MKLN1: variants seen among roughly 807,000 people sequenced by gnomAD.
The protein encoded by MKLN1 is muskelin 1, also known as muskelin.
A neutral mutation model predicts 99.0 loss-of-function variants in MKLN1; 18 were observed. The ratio of observed to expected loss-of-function variants is 0.18; its 90% confidence interval spans 0.13 to 0.27. MKLN1 has a LOEUF of 0.27. Ranked by LOEUF, MKLN1 falls within the 10% of genes least tolerant of loss-of-function variation. The probability of loss-of-function intolerance (pLI) is 1.00; values close to 1 mark genes in which losing one functional copy is unlikely to be tolerated. For synonymous variants in MKLN1, 288 were observed against 293.2 expected (o/e 0.98, Z 0.18); for missense variants, 621 against 875.9 (o/e 0.71, Z 3.67).
intron 3 of MKLN1, among the ~76,000 whole-genome samples, chr7:131,274,298 T>A (rs556225953): frequency 7.2e-5 from 11 of 152,274 alleles, no homozygotes; most frequent in Non-Finnish European, 1.6e-4. Flanking sequence ...CATCTTTGCC[T>A]TCCTTGTGTG....
chr7:131,463,890 A>T (rs1036395773), intron 13 of MKLN1, among the ~76,000 whole-genome samples: 1 of 152,216 alleles, frequency 6.6e-6, no homozygotes, highest in Non-Finnish European at 1.5e-5. Flanking sequence ...GAGCTTCTCC[A>T]TTCATAATGG....
At chr7:131,307,180 T>C (rs1288126545) in intron 3 of MKLN1, among the ~76,000 whole-genome samples, 2 of 152,116 alleles carry the variant, frequency 1.3e-5, no homozygotes, top group African/African-American at 4.8e-5. Flanking sequence ...GTATTGGGCC[T>C]GTAGGTGTGC....
intron 3 of MKLN1, among the ~76,000 whole-genome samples, chr7:131,220,444 A>C (rs1441022135): frequency 9.6e-6 from 1 of 103,924 alleles, no homozygotes; most frequent in East Asian, 2.0e-3. Flanking sequence ...TTCATTGCCC[A>C]ATGCCCACGC....
chr7:131,450,515 C>A (rs1474570629), intron 12 of MKLN1, among the ~76,000 whole-genome samples: 1 of 152,164 alleles, frequency 6.6e-6, no homozygotes, highest in Non-Finnish European at 1.5e-5. Flanking sequence ...CTAAACTTAA[C>A]ATAATTCACA....
intron 16 of MKLN1, among the ~76,000 whole-genome samples, chr7:131,475,501 C>T (rs1194410710): frequency 6.6e-6 from 1 of 152,104 alleles, no homozygotes; most frequent in African/African-American, 2.4e-5. Context: ...TTTTATAAGC[C>T]AGGTTAACTT....
intron 3 of MKLN1, among the ~76,000 whole-genome samples, chr7:131,240,294 T>C (rs1020080067): frequency 6.6e-6 from 1 of 151,996 alleles, no homozygotes; most frequent in Admixed American, 6.6e-5. Context: ...TAAGGGGAGG[T>C]AACTCTCCTT....
intron 1 of MKLN1, among the ~76,000 whole-genome samples, chr7:131,138,416 G>A (rs2116250532): frequency 6.6e-6 from 1 of 152,264 alleles, no homozygotes; most frequent in South Asian, 2.1e-4. Flanking sequence ...TGAAGTGGAA[G>A]TTACACTGAA....
chr7:131,254,867 C>T (rs939752842), intron 3 of MKLN1, among the ~76,000 whole-genome samples: 17 of 151,022 alleles, frequency 1.1e-4, no homozygotes, highest in South Asian at 2.1e-4. Flanking sequence ...GAGAGAGGAG[C>T]GGAAAAAAAT....
intron 1 of MKLN1, among the ~76,000 whole-genome samples, 178 bp from the exon 2 acceptor site, chr7:131,375,246 A>G (rs887610242): frequency 1.4e-4 from 21 of 152,128 alleles, no homozygotes; most frequent in African/African-American, 5.1e-4. Context: ...CCTTTGTCAT[A>G]TTTTAAAATC....
intron 1 of MKLN1, among the ~76,000 whole-genome samples, chr7:131,339,236 G>A (rs1799336594): frequency 6.6e-6 from 1 of 152,198 alleles, no homozygotes; most frequent in African/African-American, 2.4e-5. Flanking sequence ...AGGGTCAACT[G>A]ACTGTAACAT....
chr7:131,143,566 G>A (rs569011188), intron 2 of MKLN1, among the ~76,000 whole-genome samples: 53 of 152,188 alleles, frequency 3.5e-4, no homozygotes, highest in Non-Finnish European at 4.7e-4. Flanking sequence ...TAGCTCATGC[G>A]TGTAATCCTA....
At chr7:131,290,518 G>GC (rs1417281746) in intron 3 of MKLN1, among the ~76,000 whole-genome samples, 1 of 152,166 alleles carries the variant, frequency 6.6e-6, no homozygotes, top group African/African-American at 2.4e-5. Context: ...AACATAATGG[G>GC]CACTCATGCT....
intron 3 of MKLN1, among the ~76,000 whole-genome samples, chr7:131,241,691 G>T (rs1034423963): frequency 6.6e-6 from 1 of 152,212 alleles, no homozygotes; most frequent in Non-Finnish European, 1.5e-5. Context: ...CCTTAGCACT[G>T]TCACAACACC....
intron 8 of MKLN1, among the ~76,000 whole-genome samples, chr7:131,418,894 A>T (rs906082936): frequency 7.9e-5 from 12 of 152,218 alleles, no homozygotes; most frequent in African/African-American, 2.2e-4. Flanking sequence ...AAAGCTCTGA[A>T]CTTTCACAAG....
chr7:131,371,781 T>C (rs535085851), intron 1 of MKLN1, among the ~76,000 whole-genome samples: 174 of 151,198 alleles, frequency 1.2e-3, no homozygotes, highest in African/African-American at 2.5e-3. Flanking sequence ...TATATATATA[T>C]ACACTTAATT....
chr7:131,166,647 C>T (rs1456710504), intron 2 of MKLN1, among the ~76,000 whole-genome samples: 3 of 152,238 alleles, frequency 2.0e-5, no homozygotes, highest in African/African-American at 7.2e-5. Context: ...GCAGTTCTTA[C>T]ACCTTAATCC....
At chr7:131,287,378 G>C (rs1798148225) in intron 3 of MKLN1, among the ~76,000 whole-genome samples, 1 of 152,198 alleles carries the variant, frequency 6.6e-6, no homozygotes, top group Non-Finnish European at 1.5e-5. Context: ...GAAAGCTCTG[G>C]GGGAGAATCT....
At chr7:131,364,233 C>G (rs1360840132) in intron 1 of MKLN1, among the ~76,000 whole-genome samples, 2 of 152,000 alleles carry the variant, frequency 1.3e-5, no homozygotes, top group Non-Finnish European at 2.9e-5. Context: ...ATGTACTTAT[C>G]CTTTCAAAAT....
intron 3 of MKLN1, among the ~76,000 whole-genome samples, chr7:131,307,197 C>G (rs1798480945): frequency 6.6e-6 from 1 of 152,126 alleles, no homozygotes; most frequent in African/African-American, 2.4e-5. Context: ...GTGCAGAAGG[C>G]AACAGTTAAA....
Sources: allele counts gnomAD v4.1 joint callset (sites outside exome capture counted in the v4.1 genomes callset), GRCh38; gene constraint gnomAD v4.1.1; transcripts MANE v1.5; gene names NCBI Gene and HGNC (gene_info 2026-07-23, HGNC 2026-07-21).